PRKCE: variants seen among roughly 807,000 people sequenced by gnomAD.
PRKCE encodes the protein protein kinase C epsilon.
PRKCE carries 16 observed loss-of-function variants against 85.4 expected under a neutral mutation model. That is an observed-to-expected ratio of 0.19 (90% CI 0.13 to 0.28). The LOEUF is 0.28. Among genes scored for constraint, PRKCE ranks in the 10% least tolerant of loss-of-function variants. PRKCE has a pLI of 1.00. For missense variants in PRKCE, 573 were observed against 975.2 expected (o/e 0.59, Z 5.49); for synonymous variants, 388 against 371.5 (o/e 1.04, Z -0.51).
At chr2:46,056,951 G>A (rs545017896) in intron 10 of PRKCE, among the ~76,000 whole-genome samples, 47 of 152,324 alleles carry the variant, frequency 3.1e-4, no homozygotes, top group African/African-American at 1.1e-3. Flanking sequence ...GGCTCAGCTG[G>A]TTGGTTCTGG....
At position 45,984,675 on chromosome 2, in the gene PRKCE, G is replaced by A; in HGVS notation, c.818G>A (p.Cys273Tyr). Residue 273 changes from cysteine to tyrosine, a missense_variant, in exon 6 of 15, where the codon TGT becomes TAT. Physicochemically the swap from Cys to Tyr is radical, Grantham distance 194. Transcript: ENST00000306156. ...GGACTCTTGCGGCAGGGTTTGCAGT[G>A]TAAAGGTAAGTTGCTCCCTGCCCTG... ...LWGLLRQGLQ[C>Y]KVCKMNVHRR... 1 of 1,598,282 alleles carries A rather than the reference G, an allele frequency of 6.3e-7. No homozygotes were observed. Among genetic ancestry groups the A allele is most frequent in the Non-Finnish European group, 8.5e-7 (1 of 1,178,896 alleles).
chr2:46,061,501 G>A (rs59642219), intron 10 of PRKCE, among the ~76,000 whole-genome samples: 7,048 of 152,142 alleles, frequency 0.046, 444 homozygotes, highest in African/African-American at 0.14. Context: ...TCTCAAGTCC[G>A]TTGTTACTGT....
chr2:45,696,891 T>G (rs1364655892), intron 1 of PRKCE, among the ~76,000 whole-genome samples: 2 of 152,062 alleles, frequency 1.3e-5, no homozygotes, highest in Non-Finnish European at 2.9e-5. Context: ...GGGACTGTGT[T>G]GATCATGTGA....
At chr2:46,177,044 C>T (rs1323585775) in intron 14 of PRKCE, among the ~76,000 whole-genome samples, 1 of 152,160 alleles carries the variant, frequency 6.6e-6, no homozygotes, top group East Asian at 1.9e-4. Context: ...GTTGCAGAAT[C>T]ATGGTGATCT....
chr2:46,034,628 C>G (rs1707743749), intron 10 of PRKCE, among the ~76,000 whole-genome samples: 1 of 152,216 alleles, frequency 6.6e-6, no homozygotes, highest in South Asian at 2.1e-4. Context: ...CCTCCTGTAG[C>G]CTTGGGAGCA....
At chr2:45,847,478 A>G (rs1231293995) in intron 2 of PRKCE, among the ~76,000 whole-genome samples, 2 of 152,244 alleles carry the variant, frequency 1.3e-5, no homozygotes, top group Non-Finnish European at 2.9e-5. Context: ...CAAGTTGCAC[A>G]GGCAGACGTG....
intron 1 of PRKCE, among the ~76,000 whole-genome samples, chr2:45,794,808 C>A (rs967456391): frequency 3.3e-5 from 5 of 151,678 alleles, no homozygotes; most frequent in Admixed American, 6.6e-5. Context: ...TATTGATCAC[C>A]TATAGAATCC....
At chr2:46,147,063 C>T (rs1280733137) in intron 12 of PRKCE, among the ~76,000 whole-genome samples, 2 of 152,186 alleles carry the variant, frequency 1.3e-5, no homozygotes, top group Non-Finnish European at 2.9e-5. Context: ...CCACACAAGA[C>T]AGGGGAGGCC....
intron 2 of PRKCE, among the ~76,000 whole-genome samples, chr2:45,865,103 T>C (rs990853441): frequency 6.6e-6 from 1 of 152,206 alleles, no homozygotes; most frequent in African/African-American, 2.4e-5. Context: ...CTTGTTAAAA[T>C]GCGGATTCTG....
At chr2:45,852,281 C>A (rs1558752275) in intron 2 of PRKCE, among the ~76,000 whole-genome samples, 1 of 152,154 alleles carries the variant, frequency 6.6e-6, no homozygotes, top group Non-Finnish European at 1.5e-5. Context: ...TTCTCTGCAA[C>A]AAAAACCCGT....
Position 45,785,319 on chromosome 2 carries a change from T to A in PRKCE, c.349-57681T>A, listed in dbSNP as rs924223072. 3.3e-5 allele frequency among the ~76,000 whole-genome samples: 5 copies of A among 152,146 alleles called. No homozygotes were observed. In the East Asian group the frequency reaches 7.8e-4, roughly 24 times the overall value. On this transcript the variant is annotated intron_variant, in intron 1 of 14. Coordinates refer to ENST00000306156, the MANE Select transcript of PRKCE (RefSeq NM_005400.3). ...CAGCCTGGCCAACATGGCGAAACCC[T>A]GTCTCTACTAAAATTACAAAAATTA...
At chr2:45,841,805 G>A (rs1189129884) in intron 1 of PRKCE, among the ~76,000 whole-genome samples, 1 of 152,216 alleles carries the variant, frequency 6.6e-6, no homozygotes, top group East Asian at 1.9e-4. Context: ...GGTGATAATT[G>A]ACCTTGACTT....
intron 10 of PRKCE, among the ~76,000 whole-genome samples, chr2:46,057,438 CTT>C (rs762865674): frequency 3.5e-5 from 5 of 144,874 alleles, no homozygotes; most frequent in Admixed American, 1.4e-4. Context: ...TTCTCTTCAA[CTT>C]TTTTTTTTTT....
chr2:45,800,803 A>G (rs1023672136), intron 1 of PRKCE, among the ~76,000 whole-genome samples: 1 of 152,192 alleles, frequency 6.6e-6, no homozygotes, highest in East Asian at 1.9e-4. Context: ...ATCTTCACTA[A>G]TTATCTCCTA....
intron 1 of PRKCE, among the ~76,000 whole-genome samples, chr2:45,750,307 G>A (rs139174060): frequency 8.1e-4 from 124 of 152,260 alleles, no homozygotes; most frequent in African/African-American, 2.8e-3. Context: ...CAGCCCCTGG[G>A]AAAAATTATT....
chr2:45,739,971 A>G lies in PRKCE; in HGVS notation c.348+87523A>G, dbSNP rs144487289. On this transcript the variant is annotated intron_variant, in intron 1 of 14. Coordinates refer to ENST00000306156, the MANE Select transcript of PRKCE (RefSeq NM_005400.3). ...GAACTAAGTAGCTTTGAGATACACCATAATCTAATATCAAGAACAAGAAAC... is the reference window on the plus strand; with the variant it reads ...GAACTAAGTAGCTTTGAGATACACCGTAATCTAATATCAAGAACAAGAAAC... 9.2e-4 allele frequency among the ~76,000 whole-genome samples: 140 copies of G among 152,320 alleles called. 1 individual carries two copies. Among genetic ancestry groups the G allele is most frequent in the South Asian group, 8.9e-3 (43 of 4,826 alleles).
At chr2:46,003,514 T>A (rs1319416261) in intron 7 of PRKCE, among the ~76,000 whole-genome samples, 1 of 152,252 alleles carries the variant, frequency 6.6e-6, no homozygotes. Context: ...TGTAAGTCAC[T>A]AGGGGCAATA....
At chr2:45,715,662 C>A (rs1426094125) in intron 1 of PRKCE, among the ~76,000 whole-genome samples, 2 of 152,220 alleles carry the variant, frequency 1.3e-5, no homozygotes, top group Non-Finnish European at 2.9e-5. Context: ...AAAACAACAT[C>A]TGCATGGTAA....
At position 45,832,313 on chromosome 2, in the gene PRKCE, C is replaced by CT. The variant is rs10692501; in HGVS notation, c.349-10670dup. On this transcript the variant is annotated intron_variant, in intron 1 of 14. Coordinates refer to ENST00000306156, the MANE Select transcript of PRKCE (RefSeq NM_005400.3). ...CATTGCTCTTGTGTCCAAGGAGCAACTTTTTTTTTTTTTTTTTGAGACAGA... is the reference window on the plus strand; with the variant it reads ...CATTGCTCTTGTGTCCAAGGAGCAACTTTTTTTTTTTTTTTTTTGAGACAGA... Among the ~76,000 whole-genome samples the CT allele has an allele frequency of 8.2e-3, 1,128 of 137,930 alleles. 26 individuals are homozygous for CT. The highest frequency in any genetic ancestry group is 0.019 in the Middle Eastern group (5 of 262). 90.5% of individuals were successfully genotyped at this position (137,930 alleles called of 152,430 possible).
Sources: gnomAD v4.1 joint callset for allele counts (sites outside exome capture counted in the v4.1 genomes callset) on GRCh38, gnomAD v4.1.1 for gene constraint, MANE v1.5 for transcripts, NCBI Gene and HGNC (gene_info 2026-07-23, HGNC 2026-07-21) for gene names.